Variants in DNER observed in about 807,000 individuals in gnomAD.
The protein encoded by DNER is delta and Notch-like epidermal growth factor-related receptor.
A neutral mutation model predicts 78.2 loss-of-function variants in DNER; 33 were observed. That is an observed-to-expected ratio of 0.42 (90% confidence interval 0.32 to 0.56). DNER has a LOEUF of 0.56. Among genes scored for constraint, DNER ranks in the 20% least tolerant of loss-of-function variants. DNER has a pLI of 0.11. For missense variants in DNER, 918 were observed against 975.3 expected (o/e 0.94, Z 0.78); for synonymous variants, 417 against 384.8 (o/e 1.08, Z -0.98).
intron 7 of DNER, among the ~76,000 whole-genome samples, chr2:229,460,716 T>A (rs187919261): frequency 1.3e-5 from 2 of 152,262 alleles, no homozygotes; most frequent in Admixed American, 1.3e-4. Flanking sequence ...GTTGGTTGAT[T>A]GGTGGCTCTT....
chr2:229,566,959 G>T (rs1248049286), intron 4 of DNER, among the ~76,000 whole-genome samples: 1 of 152,090 alleles, frequency 6.6e-6, no homozygotes, highest in Non-Finnish European at 1.5e-5. Flanking sequence ...GGCCTCCACA[G>T]CCCAACATGT....
intron 6 of DNER, among the ~76,000 whole-genome samples, chr2:229,502,795 T>C (rs1175325970): frequency 2.0e-5 from 3 of 152,120 alleles, no homozygotes; most frequent in Admixed American, 1.3e-4. Flanking sequence ...ACTGAAACAA[T>C]GGTTGCCTGA....
At position 229,358,128 on chromosome 2, in the gene DNER, C is replaced by T. The variant is rs1363416185; in HGVS notation, c.*412G>A. The T allele has an allele frequency of 2.0e-5, 3 of 153,168 alleles. No homozygotes were observed. The highest frequency in any genetic ancestry group is 4.8e-5 in the African/African-American group (2 of 41,454). The allele number at this position is 153,168 out of a possible 1,614,324, so 9.5% of individuals were successfully genotyped here. On this transcript the variant is annotated 3_prime_UTR_variant, in exon 13 of 13. Coordinates refer to ENST00000341772, the MANE Select transcript of DNER (RefSeq NM_139072.4). Reference sequence around the variant, plus strand: ...ACATTTCAGACTTCTTTTTAAGTAACGGGTATACTCTATTATACATCATAT... The same window carrying T: ...ACATTTCAGACTTCTTTTTAAGTAATGGGTATACTCTATTATACATCATAT...
At chr2:229,503,917 G>A (rs1171629305) in intron 6 of DNER, among the ~76,000 whole-genome samples, 1 of 151,898 alleles carries the variant, frequency 6.6e-6, no homozygotes, top group Non-Finnish European at 1.5e-5. Flanking sequence ...AATTTTTGAG[G>A]TTTTTTTGTA....
chr2:229,564,283 A>G (rs1697049902), intron 4 of DNER, among the ~76,000 whole-genome samples: 1 of 146,650 alleles, frequency 6.8e-6, no homozygotes, highest in Non-Finnish European at 1.5e-5. Context: ...TCCTCACCCC[A>G]TCACCATCAT....
intron 4 of DNER, among the ~76,000 whole-genome samples, chr2:229,553,239 T>G (rs1044877248): frequency 4.6e-5 from 7 of 152,218 alleles, no homozygotes; most frequent in Non-Finnish European, 7.3e-5. Flanking sequence ...GATGAGGTCC[T>G]CTAGCTCTCA....
chr2:229,468,235 C>T (rs1694846100), intron 7 of DNER, among the ~76,000 whole-genome samples: 1 of 152,224 alleles, frequency 6.6e-6, no homozygotes, highest in Admixed American at 6.5e-5. Context: ...TTGCTAATAG[C>T]CCTTTCCCAA....
At chr2:229,512,255 T>C (rs1695878439) in intron 6 of DNER, among the ~76,000 whole-genome samples, 1 of 151,706 alleles carries the variant, frequency 6.6e-6, no homozygotes, top group Admixed American at 6.6e-5. Context: ...TGGGGGCGCA[T>C]GCCTGTAATC....
In DNER at chr2:229,474,951, C is replaced by T. The variant is rs550744086; in HGVS notation, c.1261+2189G>A. Among the ~76,000 whole-genome samples the T allele has an allele frequency of 2.6e-5, 4 of 152,342 alleles. No homozygotes were observed. In the South Asian group the frequency reaches 8.3e-4, roughly 32 times the overall value. Reference sequence around the variant, plus strand: ...CCCCAAACTTTTCTCCTTATTCCCACTCTTGTCTCTCTCTATGTTCAACAT... The same window carrying T: ...CCCCAAACTTTTCTCCTTATTCCCATTCTTGTCTCTCTCTATGTTCAACAT... On this transcript the variant is annotated intron_variant, in intron 7 of 12. Coordinates refer to ENST00000341772, the MANE Select transcript of DNER (RefSeq NM_139072.4).
intron 9 of DNER, among the ~76,000 whole-genome samples, chr2:229,416,998 C>T (rs938042058): frequency 2.6e-5 from 4 of 152,168 alleles, no homozygotes; most frequent in African/African-American, 9.7e-5. Context: ...TAGATAGACT[C>T]AGAACTGAGA....
At chr2:229,415,181 C>T (rs1158011765) in intron 9 of DNER, among the ~76,000 whole-genome samples, 1 of 152,046 alleles carries the variant, frequency 6.6e-6, no homozygotes, top group African/African-American at 2.4e-5. Context: ...AAAGTCCAGG[C>T]CTTCCCGGAA....
At chr2:229,408,653 C>T (rs1460239328) in intron 9 of DNER, among the ~76,000 whole-genome samples, 1 of 152,180 alleles carries the variant, frequency 6.6e-6, no homozygotes, top group Non-Finnish European at 1.5e-5. Flanking sequence ...CCTTTAGGCA[C>T]TGAAATCATC....
In DNER at chr2:229,532,047, G is replaced by C. The variant is rs896641724; in HGVS notation, c.993+14900C>G. Among the ~76,000 whole-genome samples, 4 of 152,238 alleles carry C rather than the reference G, an allele frequency of 2.6e-5. No individual in the cohort carries two copies. The East Asian group carries it at 7.7e-4, about 29-fold the overall frequency. ...TTAATGAATATGAGGCTTTATTTTG[G>C]GGGTGATGAGAATGTTTTGGAACTA... On this transcript the variant is annotated intron_variant, in intron 5 of 12. Transcript: ENST00000341772.
At chr2:229,685,225 T>C (rs1228828577) in intron 1 of DNER, among the ~76,000 whole-genome samples, 1 of 152,250 alleles carries the variant, frequency 6.6e-6, no homozygotes, top group Non-Finnish European at 1.5e-5. Flanking sequence ...CAACAGTTAT[T>C]TAAAAGTTTT....
chr2:229,402,652 A>T (rs1366834082), intron 10 of DNER, among the ~76,000 whole-genome samples: 2 of 152,204 alleles, frequency 1.3e-5, no homozygotes, highest in Non-Finnish European at 2.9e-5. Flanking sequence ...ATGGGCTTGG[A>T]AGAATCTTTG....
Position 229,561,647 on chromosome 2 carries a change from G to A in DNER, c.848-14555C>T, listed in dbSNP as rs1213553976. ...CCATAGTAAAGTGTTATTAGCCACC[G>A]TGCTACATTTCTGTTTAATATTTTT... On this transcript the variant is annotated intron_variant, in intron 4 of 12. Transcript: ENST00000341772. Among the ~76,000 whole-genome samples the A allele has an allele frequency of 2.0e-5, 3 of 151,962 alleles. 1 individual carries two copies. The highest frequency in any genetic ancestry group is 1.3e-4 in the Admixed American group (2 of 15,236).
At chr2:229,386,869 C>T (rs1005150289) in intron 11 of DNER, among the ~76,000 whole-genome samples, 5 of 152,090 alleles carry the variant, frequency 3.3e-5, no homozygotes. Context: ...TGCTTTTATA[C>T]TCTTGGTGGG....
At chr2:229,412,641 G>A (rs1273097278) in intron 9 of DNER, among the ~76,000 whole-genome samples, 2 of 152,182 alleles carry the variant, frequency 1.3e-5, no homozygotes, top group African/African-American at 2.4e-5. Context: ...CATAGGAGTG[G>A]ATGAAAGCAA....
chr2:229,443,994 G>C (rs1694287707), intron 8 of DNER, among the ~76,000 whole-genome samples: 1 of 152,190 alleles, frequency 6.6e-6, no homozygotes, highest in Non-Finnish European at 1.5e-5. Context: ...AGAGGGCCCT[G>C]TCACGATTAC....
Sources: gnomAD v4.1 joint callset for allele counts (sites outside exome capture counted in the v4.1 genomes callset) on GRCh38, gnomAD v4.1.1 for gene constraint, MANE v1.5 for transcripts, NCBI Gene and HGNC (gene_info 2026-07-23, HGNC 2026-07-21) for gene names.